Variants in USP35 observed in about 807,000 individuals in gnomAD.
The protein encoded by USP35 is ubiquitin carboxyl-terminal hydrolase 35.
A neutral mutation model predicts 83.8 loss-of-function variants in USP35; 69 were observed. The observed-to-expected ratio is 0.82, with a 90% confidence interval of 0.68 to 1.01. USP35 has a LOEUF of 1.01. USP35 is among the 50% of genes least tolerant of loss of function. USP35 has a pLI of 0.00. For missense variants in USP35, 1,503 were observed against 1,362.5 expected (o/e 1.10, Z -1.62); for synonymous variants, 714 against 589.5 (o/e 1.21, Z -3.06).
the USP35 span, chr11:78,220,513 C>T: frequency 1.2e-3 from 1,673 of 1,376,354 alleles, 10 homozygotes; most frequent in African/African-American, 0.021. Context: ...AGAAAAACAC[C>T]TCTGGGAGTA....
chr11:78,215,892 C>G (rs1864114104), downstream of USP35: 1 of 152,690 alleles, frequency 6.5e-6, no homozygotes. Flanking sequence ...GAGATGTCCC[C>G]ATGGGAGAAG....
At chr11:78,219,249 TG>T, downstream of USP35, 1 of 1,610,914 alleles carries the variant, frequency 6.2e-7, no homozygotes, top group Middle Eastern at 2.0e-4. Flanking sequence ...TGCTGCCTCC[TG>T]GGCTCTGCGG....
In USP35 at chr11:78,199,737, G is replaced by A. The variant is rs771807571; in HGVS notation, c.936+13G>A. ...CAAAATTGAGAAGGTTGGTGCCCCT[G>A]TCCTAGCCCAGAGTTACAGCCTTTT... On this transcript the variant is annotated intron_variant, in intron 4 of 10. Transcript: ENST00000529308. 2.5e-5 allele frequency: 41 copies of A among 1,613,942 alleles called. No homozygotes were observed. Among genetic ancestry groups the A allele is most frequent in the Non-Finnish European group, 3.4e-5 (40 of 1,179,912 alleles).
In USP35 at chr11:78,196,321, C is replaced by T. The variant is rs761079140; in HGVS notation, c.76C>T (p.Leu26=). 1.3e-6 allele frequency: 2 copies of T among 1,588,752 alleles called. No homozygotes were observed. Among genetic ancestry groups the T allele is most frequent in the Non-Finnish European group, 1.7e-6 (2 of 1,175,066 alleles). ...GAAGCAGGGGCTGGTTCGGCGCGTG[C>T]TGGAGGCGGCGCGGCAGCCGCTGGA... The part of the protein sequence containing the change: ...SVKQGLVRRV[L]EAARQPLERE... Residue 26 remains leucine, a synonymous_variant, in exon 2 of 11, where the codon CTG becomes TTG. Transcript: ENST00000529308. The surrounding 1 kb of genome is among the most constrained non-coding windows in gnomAD (Gnocchi z 4.8).
chr11:78,209,475 A>G lies in USP35; in HGVS notation c.1620A>G (p.Thr540=), dbSNP rs200922310. 128 of 1,610,928 alleles carry G rather than the reference A, an allele frequency of 7.9e-5. 1 individual carries two copies. The Middle Eastern group carries it at 8.3e-4, about 10-fold the overall frequency. ...DRLHEEEKTG[T]RICQKLKQSS... ...TGCACGAAGAGGAGAAAACGGGCACAAGGATCTGCCAGAAACTCAAGCAGT... is the reference window on the plus strand; with the variant it reads ...TGCACGAAGAGGAGAAAACGGGCACGAGGATCTGCCAGAAACTCAAGCAGT... The change falls in exon 10 of 11, where the codon ACA becomes ACG. Residue 540 remains threonine (T), a synonymous_variant. Transcript: ENST00000529308.
chr11:78,215,040 A>T lies in USP35; in HGVS notation c.*1227A>T, dbSNP rs2134435393. ...CAATGTCACAGACCCTCAAGATGTC[A>T]CATCTAAGTGACCTGTGAAAGCAGC... is the stretch of plus-strand genomic sequence containing the variant. On this transcript the variant is annotated 3_prime_UTR_variant, in exon 11 of 11. Coordinates refer to ENST00000529308, the MANE Select transcript of USP35 (RefSeq NM_020798.4). Among the ~76,000 whole-genome samples the T allele has an allele frequency of 6.6e-6, 1 of 152,262 alleles. No individual in the cohort carries two copies. The highest frequency in any genetic ancestry group is 1.9e-4 in the East Asian group (1 of 5,178).
the USP35 span, among the ~76,000 whole-genome samples, chr11:78,234,126 G>A: frequency 6.6e-6 from 1 of 151,974 alleles, no homozygotes. Context: ...TGTCGCCCAG[G>A]CTGGAGTGCA....
Position 78,200,749 on chromosome 11 carries a change from A to G in USP35, c.1138A>G (p.Met380Val), listed in dbSNP as rs1565397146. 6.2e-7 allele frequency: 1 copy of G among 1,614,098 alleles called. No individual in the cohort carries two copies. The highest frequency in any genetic ancestry group is 2.2e-5 in the East Asian group (1 of 44,872). The change falls in exon 6 of 11, where the codon ATG becomes GTG. Residue 380 changes from methionine (M) to valine (V), a missense_variant. Met to Val is a conservative substitution (Grantham distance 21, BLOSUM62 1). Coordinates refer to ENST00000529308, the MANE Select transcript of USP35 (RefSeq NM_020798.4). ...LEQLAELVHC[M>V]VFRFPGFPDL... is the part of the protein sequence containing the mutation. Reference sequence around the variant, plus strand: ...GCAGCTGGCGGAGCTGGTCCACTGCATGGTGTTCCGGTTCCCGGGCTTCCC... The same window carrying G: ...GCAGCTGGCGGAGCTGGTCCACTGCGTGGTGTTCCGGTTCCCGGGCTTCCC...
chr11:78,232,595 A>G, the USP35 span, among the ~76,000 whole-genome samples: 1 of 152,182 alleles, frequency 6.6e-6, no homozygotes, highest in Non-Finnish European at 1.5e-5. Flanking sequence ...TGAGAAATGA[A>G]GTTATTTTAG....
Position 78,214,376 on chromosome 11 carries a change from T to G in USP35, c.*563T>G. 4.2e-4 allele frequency: 1 copy of G among 2,362 alleles called. No individual in the cohort carries two copies. The highest frequency in any genetic ancestry group is 1.2e-3 in the African/African-American group (1 of 840). The allele number at this position is 2,362 out of a possible 1,614,324, so 0.1% of individuals were successfully genotyped here. ...CCCTTACCAAGCGCCACTGCATGGT[T>G]TTGGGGGGGGGGGCGGGGGGCTAGC... On this transcript the variant is annotated 3_prime_UTR_variant, in exon 11 of 11. Transcript: ENST00000529308.
At chr11:78,236,772 ATTGT>A in the USP35 span, among the ~76,000 whole-genome samples, 1 of 7,128 alleles carries the variant, frequency 1.4e-4, no homozygotes, top group Non-Finnish European at 3.2e-4. Context: ...AATTACTTTG[ATTGT>A]TTTTTTTTTG....
intron 10 of USP35, among the ~76,000 whole-genome samples, chr11:78,211,914 C>T (rs2511177): frequency 0.29 from 44,626 of 151,972 alleles, 8,145 homozygotes; most frequent in African/African-American, 0.51. Context: ...GATGATAGTT[C>T]CTTGTACTCC....
chr11:78,226,642 G>C, the USP35 span: 1 of 1,614,024 alleles, frequency 6.2e-7, no homozygotes, highest in South Asian at 1.1e-5. Context: ...GAGTCCCCAG[G>C]AGTGGCCACT....
chr11:78,223,519 T>C, the USP35 span: 6 of 1,612,480 alleles, frequency 3.7e-6, no homozygotes, highest in Non-Finnish European at 5.1e-6. Flanking sequence ...GCCAAGTGAG[T>C]CAAAGTGATG....
chr11:78,214,069 G>T lies in USP35; in HGVS notation c.*256G>T, dbSNP rs115663034. On this transcript the variant is annotated 3_prime_UTR_variant, in exon 11 of 11. Transcript: ENST00000529308. ...TGAAGCAGCCGAGATGGGCACACACGGGTCTTTGCCTCCCCCTCCTTCCCT... is the reference window on the plus strand; with the variant it reads ...TGAAGCAGCCGAGATGGGCACACACTGGTCTTTGCCTCCCCCTCCTTCCCT... The T allele has an allele frequency of 1.2e-4, 47 of 390,246 alleles. No homozygotes were observed. The highest frequency in any genetic ancestry group is 1.1e-3 in the South Asian group (21 of 18,388). The allele number at this position is 390,246 out of a possible 1,614,324, so 24.2% of individuals were successfully genotyped here. A position where few individuals can be genotyped will look rare whatever the true frequency, so the allele number is the denominator to read the frequency against.
At position 78,209,947 on chromosome 11, in the gene USP35, GA is replaced by G; in HGVS notation, c.2095del (p.Ser699AlafsTer76). 3.1e-6 allele frequency: 5 copies of G among 1,608,892 alleles called. No individual in the cohort carries two copies. The highest frequency in any genetic ancestry group is 4.2e-6 in the Non-Finnish European group (5 of 1,177,318). On this transcript the variant is annotated frameshift_variant, in exon 10 of 11. Coordinates refer to ENST00000529308, the MANE Select transcript of USP35 (RefSeq NM_020798.4). LOFTEE classifies it high-confidence loss of function. ...TEKEEVGEEE[E>X]STRGEGEREK... ...GAAGGAAGAAGTGGGGGAGGAGGAG[GA>G]AAGCACCAGAGGGGAAGGAGAGAGG...
intron 8 of USP35, 115 bp from the exon 9 acceptor site, chr11:78,208,742 G>C (rs949140092): frequency 1.2e-5 from 14 of 1,131,094 alleles, no homozygotes; most frequent in Non-Finnish European, 1.8e-5. Context: ...TCATGGAGGA[G>C]GCCAGGAAGT....
chr11:78,215,982 C>CTT (rs933268679), downstream of USP35: 4 of 152,658 alleles, frequency 2.6e-5, no homozygotes, highest in African/African-American at 9.7e-5. Flanking sequence ...ATGGGGCATA[C>CTT]TTTGTTAACT....
Position 78,213,850 on chromosome 11 carries a change from G to T in USP35, c.*37G>T, listed in dbSNP as rs779720345. On this transcript the variant is annotated 3_prime_UTR_variant, in exon 11 of 11. Coordinates refer to ENST00000529308, the MANE Select transcript of USP35 (RefSeq NM_020798.4). Reference sequence around the variant, plus strand: ...TGCCAACCTGACCCCTTCCCTCCAGGAGCCAGGTAGGGCCTGAGGGAAGCT... The same window carrying T: ...TGCCAACCTGACCCCTTCCCTCCAGTAGCCAGGTAGGGCCTGAGGGAAGCT... 1 of 1,531,862 alleles carries T rather than the reference G, an allele frequency of 6.5e-7. No homozygotes were observed. Among genetic ancestry groups the T allele is most frequent in the South Asian group, 1.3e-5 (1 of 76,864 alleles). The allele number at this position is 1,531,862 out of a possible 1,614,324, so 94.9% of individuals were successfully genotyped here. A position where few individuals can be genotyped will look rare whatever the true frequency, so the allele number is the denominator to read the frequency against.
Sources: gnomAD v4.1 joint callset for allele counts (sites outside exome capture counted in the v4.1 genomes callset) on GRCh38, gnomAD v4.1.1 for gene constraint, Gnocchi (gnomAD v3.1) non-coding constraint, MANE v1.5 for transcripts, NCBI Gene and HGNC (gene_info 2026-07-23, HGNC 2026-07-21) for gene names.